Variants in ATP8A1 observed in about 807,000 individuals in gnomAD.
ATP8A1 encodes the protein phospholipid-transporting ATPase IA.
ATP8A1 carries 90 observed loss-of-function variants against 177.7 expected under a neutral mutation model. The ratio of observed to expected loss-of-function variants is 0.51; its 90% CI spans 0.43 to 0.60. The LOEUF (loss-of-function observed/expected upper bound fraction) is 0.60, where lower values mean the gene tolerates loss of function less well. Ranked by LOEUF, ATP8A1 falls within the 20% of genes least tolerant of loss-of-function variation. The probability of loss-of-function intolerance (pLI) is 0.00; values close to 1 mark genes in which losing one functional copy is unlikely to be tolerated. For synonymous variants in ATP8A1, 493 were observed against 485.9 expected, an observed-to-expected ratio of 1.01 and a Z score of -0.19; for missense variants, 1,072 against 1,392.8, an observed-to-expected ratio of 0.77 and a Z score of 3.67.
At chr4:42,453,255 C>T (rs749261583) in intron 29 of ATP8A1, among the ~76,000 whole-genome samples, 27 of 152,226 alleles carry the variant, frequency 1.8e-4, no homozygotes, top group Non-Finnish European at 3.2e-4. Flanking sequence ...TGCTCCCGCA[C>T]TTGGAACCCC....
intron 24 of ATP8A1, among the ~76,000 whole-genome samples, chr4:42,486,363 T>C (rs1056897207): frequency 6.6e-6 from 1 of 152,202 alleles, no homozygotes; most frequent in Non-Finnish European, 1.5e-5. Flanking sequence ...AGTATAAGCA[T>C]GTCGGGGCAA....
At chr4:42,653,561 A>G (rs536546513) in intron 1 of ATP8A1, among the ~76,000 whole-genome samples, 2 of 152,302 alleles carry the variant, frequency 1.3e-5, no homozygotes, top group African/African-American at 2.4e-5. Flanking sequence ...TGTTTTGCAA[A>G]AGAGTCTATC....
Position 42,435,426 on chromosome 4 carries a change from C to CAAAAAAAAAA in ATP8A1, c.3123+8129_3123+8138dup, listed in dbSNP as rs55945370. ...GGGGGACAAGAGCGAGACTTCATCT[C>CAAAAAAAAAA]AAAAAAAAAAAAAAAAAAAAAAACA... On this transcript the variant is annotated intron_variant, in intron 33 of 36. Transcript: ENST00000381668. Among the ~76,000 whole-genome samples the CAAAAAAAAAA allele has an allele frequency of 6.0e-4, 56 of 93,920 alleles. 1 individual carries two copies. The highest frequency in any genetic ancestry group is 1.2e-3 in the African/African-American group (31 of 26,658). 61.6% of individuals were successfully genotyped at this position (93,920 alleles called of 152,430 possible). A position where few individuals can be genotyped will look rare whatever the true frequency, so the allele number is the denominator to read the frequency against.
intron 1 of ATP8A1, among the ~76,000 whole-genome samples, chr4:42,651,181 C>G (rs972955537): frequency 6.6e-6 from 1 of 152,024 alleles, no homozygotes; most frequent in Non-Finnish European, 1.5e-5. Context: ...ACCTCCCCAG[C>G]CATGTAAGTC....
rs11361444 is a variant in ATP8A1 at position 42,510,525 on chromosome 4, GTTTT to G, written c.1948-3375_1948-3372del. Reference sequence around the variant, plus strand: ...TTAAGCATTTTACCCAAGGCATAAGGTTTTTTTTTTTAGTGATCATGGGGACAGC... The same window carrying G: ...TTAAGCATTTTACCCAAGGCATAAGGTTTTTTTAGTGATCATGGGGACAGC... On this transcript the variant is annotated intron_variant, in intron 22 of 36. Transcript: ENST00000381668. Among the ~76,000 whole-genome samples, 3 of 146,758 alleles carry G rather than the reference GTTTT, an allele frequency of 2.0e-5. No individual in the cohort carries two copies. The South Asian group carries it at 6.6e-4, about 32-fold the overall frequency.
chr4:42,549,258 C>A (rs1295064489), intron 18 of ATP8A1, among the ~76,000 whole-genome samples, 196 bp from the exon 19 acceptor site: 1 of 152,004 alleles, frequency 6.6e-6, no homozygotes, highest in Non-Finnish European at 1.5e-5. Flanking sequence ...CAGGAGAAAA[C>A]CAAAAGGAAA....
At chr4:42,540,516 T>C (rs1018653422) in intron 20 of ATP8A1, among the ~76,000 whole-genome samples, 1 of 150,664 alleles carries the variant, frequency 6.6e-6, no homozygotes, top group Non-Finnish European at 1.5e-5. Flanking sequence ...AGCAAAGATA[T>C]GGAATTAACT....
At chr4:42,560,109 T>C (rs185064472) in intron 15 of ATP8A1, among the ~76,000 whole-genome samples, 60 of 152,322 alleles carry the variant, frequency 3.9e-4, no homozygotes, top group African/African-American at 1.4e-3. Context: ...GGAAGCTTTT[T>C]ATGGAATATG....
Position 42,448,401 on chromosome 4 carries a change from C to CTTTTTTTTTTTTTTTTTTTTTT in ATP8A1, c.2897-1758_2897-1757insAAAAAAAAAAAAAAAAAAAAAA, listed in dbSNP as rs1226963744. 1.5e-3 allele frequency among the ~76,000 whole-genome samples: 153 copies of CTTTTTTTTTTTTTTTTTTTTTT among 99,516 alleles called. 2 individuals are homozygous for CTTTTTTTTTTTTTTTTTTTTTT. The highest frequency in any genetic ancestry group is 3.9e-3 in the East Asian group (11 of 2,840). The allele number at this position is 99,516 out of a possible 152,430, so 65.3% of individuals were successfully genotyped here. A position where few individuals can be genotyped will look rare whatever the true frequency, so the allele number is the denominator to read the frequency against. Reference sequence around the variant, plus strand: ...CTCCCTCCCTCCTTCTCTTTCTTTTCTTTTTTTTTTTTTTGAGATGGAGTC... The same window carrying CTTTTTTTTTTTTTTTTTTTTTT: ...CTCCCTCCCTCCTTCTCTTTCTTTTCTTTTTTTTTTTTTTTTTTTTTTTTTTTTTTTTTTTTGAGATGGAGTC... On this transcript the variant is annotated intron_variant, in intron 30 of 36. Coordinates refer to ENST00000381668, the MANE Select transcript of ATP8A1 (RefSeq NM_006095.2).
intron 35 of ATP8A1, among the ~76,000 whole-genome samples, chr4:42,421,859 A>G (rs374068893): frequency 6.6e-6 from 1 of 152,184 alleles, no homozygotes; most frequent in Non-Finnish European, 1.5e-5. Context: ...CTTTTATTAT[A>G]GACTGCAACT....
In ATP8A1 at chr4:42,412,226, G is replaced by T. The variant is rs895683648; in HGVS notation, c.*690C>A. 4 of 152,160 alleles carry T rather than the reference G, an allele frequency of 2.6e-5. No homozygotes were observed. The highest frequency in any genetic ancestry group is 9.7e-5 in the African/African-American group (4 of 41,446). The allele number at this position is 152,160 out of a possible 1,614,324, so 9.4% of individuals were successfully genotyped here. A position where few individuals can be genotyped will look rare whatever the true frequency, so the allele number is the denominator to read the frequency against. ...GTAAGGCCAAAGGTGCAACATCACC[G>T]ATTTTAGTAGCAAATGCCTTGAAAT... On this transcript the variant is annotated 3_prime_UTR_variant, in exon 37 of 37. Transcript: ENST00000381668.
intron 33 of ATP8A1, among the ~76,000 whole-genome samples, chr4:42,442,591 A>G (rs1022089371): frequency 6.6e-6 from 1 of 152,218 alleles, no homozygotes; most frequent in Non-Finnish European, 1.5e-5. Context: ...AATAGTATAT[A>G]ATGCCTCTCT....
chr4:42,647,834 A>G (rs1159449949), intron 1 of ATP8A1, among the ~76,000 whole-genome samples: 1 of 152,178 alleles, frequency 6.6e-6, no homozygotes, highest in Non-Finnish European at 1.5e-5. Context: ...TGAAATAATA[A>G]AAGTGGTAAG....
Position 42,551,664 on chromosome 4 carries a change from G to T in ATP8A1, c.1520-384C>A, listed in dbSNP as rs1729517311. Among the ~76,000 whole-genome samples the T allele has an allele frequency of 2.0e-5, 3 of 152,148 alleles. 1 individual carries two copies. In the East Asian group the frequency reaches 5.8e-4, roughly 29 times the overall value. On this transcript the variant is annotated intron_variant, in intron 17 of 36. Transcript: ENST00000381668. ...TTCCTCCTAAAATGTTGAGTCTAGA[G>T]AAACTAATATTGCTAATTGAGGATT...
Position 42,448,542 on chromosome 4 carries a change from C to T in ATP8A1, c.2897-1898G>A, listed in dbSNP as rs551117128. Reference sequence around the variant, plus strand: ...CCTCTTGAGTAGTTGGGGTTACAGGCACACGTCACCATGCCCAGCTAATTT... The same window carrying T: ...CCTCTTGAGTAGTTGGGGTTACAGGTACACGTCACCATGCCCAGCTAATTT... On this transcript the variant is annotated intron_variant, in intron 30 of 36. Transcript: ENST00000381668. 2.6e-5 allele frequency among the ~76,000 whole-genome samples: 4 copies of T among 151,470 alleles called. No homozygotes were observed. In the East Asian group the frequency reaches 7.8e-4, roughly 30 times the overall value.
intron 1 of ATP8A1, among the ~76,000 whole-genome samples, chr4:42,652,584 C>T (rs894209867): frequency 1.8e-4 from 28 of 152,128 alleles, no homozygotes; most frequent in Non-Finnish European, 2.9e-5. Context: ...TATGATTTGG[C>T]TGTGTCCCCA....
intron 1 of ATP8A1, among the ~76,000 whole-genome samples, chr4:42,647,395 G>A (rs1740643845): frequency 6.6e-6 from 1 of 152,064 alleles, no homozygotes; most frequent in African/African-American, 2.4e-5. Context: ...ACATGAAATA[G>A]TACAAATTGA....
chr4:42,610,924 G>A (rs1470107815), intron 5 of ATP8A1, among the ~76,000 whole-genome samples: 2 of 152,112 alleles, frequency 1.3e-5, no homozygotes, highest in Non-Finnish European at 1.5e-5. Flanking sequence ...GACAAAAAGG[G>A]AGCAACACTC....
chr4:42,629,238 T>A (rs1287165933), intron 1 of ATP8A1, among the ~76,000 whole-genome samples: 1 of 152,118 alleles, frequency 6.6e-6, no homozygotes, highest in African/African-American at 2.4e-5. Flanking sequence ...TAATAAGGGA[T>A]CTTTAAAGAG....
Sources: allele counts gnomAD v4.1 joint callset (sites outside exome capture counted in the v4.1 genomes callset), GRCh38; gene constraint gnomAD v4.1.1; transcripts MANE v1.5; gene names NCBI Gene and HGNC (gene_info 2026-07-23, HGNC 2026-07-21).